LATS2: variants seen among roughly 807,000 people sequenced by gnomAD.
The protein encoded by LATS2 is serine/threonine-protein kinase LATS2.
A neutral mutation model predicts 76.0 loss-of-function variants in LATS2; 24 were observed. The ratio of observed to expected loss-of-function variants is 0.32; its 90% CI spans 0.23 to 0.44. The LOEUF is 0.44. LATS2 is among the 20% of genes least tolerant of loss of function. The probability of loss-of-function intolerance (pLI) is 1.00; values close to 1 mark genes in which losing one functional copy is unlikely to be tolerated. For synonymous variants in LATS2, 692 were observed against 635.4 expected, an observed-to-expected ratio of 1.09 and a Z score of -1.34; for missense variants, 1,286 against 1,481.2, an observed-to-expected ratio of 0.87 and a Z score of 2.16.
intron 2 of LATS2, among the ~76,000 whole-genome samples, chr13:21,003,734 A>G (rs761336728): frequency 6.6e-6 from 1 of 151,778 alleles, no homozygotes; most frequent in Non-Finnish European, 1.5e-5. Context: ...GAGCCACCAT[A>G]CCAGGCCTAA....
intron 3 of LATS2, among the ~76,000 whole-genome samples, chr13:20,989,942 C>T (rs1368018025): frequency 6.6e-6 from 1 of 152,226 alleles, no homozygotes; most frequent in Non-Finnish European, 1.5e-5. Context: ...CCATTTTGTA[C>T]ATCTCATCTG....
In LATS2 at chr13:21,007,630, A is replaced by ATATATAGTGTG. The variant is rs1871356806; in HGVS notation, c.343-16227_343-16226insCACACTATATA. On this transcript the variant is annotated intron_variant, in intron 2 of 7. Coordinates refer to ENST00000382592, the MANE Select transcript of LATS2 (RefSeq NM_014572.3). ...GTGTATATATATATATAGTGTATAT[A>ATATATAGTGTG]TATATATATATATAGTGTGTGTATA... Among the ~76,000 whole-genome samples, 3 of 620 alleles carry ATATATAGTGTG rather than the reference A, an allele frequency of 4.8e-3. 1 individual carries two copies. Among genetic ancestry groups the ATATATAGTGTG allele is most frequent in the Non-Finnish European group, 0.037 (3 of 80 alleles). 0.4% of individuals were successfully genotyped at this position (620 alleles called of 152,430 possible).
chr13:20,979,248 G>A (rs1869763749), intron 7 of LATS2, among the ~76,000 whole-genome samples: 1 of 152,158 alleles, frequency 6.6e-6, no homozygotes, highest in Non-Finnish European at 1.5e-5. Context: ...AAGTTTTTGG[G>A]GAGTTGAAAG....
At chr13:20,998,691 C>T (rs977342505) in intron 2 of LATS2, among the ~76,000 whole-genome samples, 23 of 152,352 alleles carry the variant, frequency 1.5e-4, no homozygotes, top group African/African-American at 5.3e-4. Flanking sequence ...CCCCTGAGCG[C>T]GGCGCTCCCG....
intron 2 of LATS2, among the ~76,000 whole-genome samples, chr13:21,039,645 C>T (rs889164803): frequency 1.4e-4 from 22 of 152,196 alleles, no homozygotes; most frequent in African/African-American, 5.3e-4. Context: ...ACATGGGAGG[C>T]CTTGTGGGCA....
intron 4 of LATS2, among the ~76,000 whole-genome samples, chr13:20,986,147 G>C (rs1405764191): frequency 6.6e-6 from 1 of 152,096 alleles, no homozygotes; most frequent in African/African-American, 2.4e-5. Flanking sequence ...AACCATCAGG[G>C]AAATGCAAAT....
At chr13:21,060,453 T>C (rs1023222196) in intron 1 of LATS2, among the ~76,000 whole-genome samples, 5 of 152,318 alleles carry the variant, frequency 3.3e-5, no homozygotes, top group African/African-American at 4.8e-5. Flanking sequence ...AAAGCGCTCC[T>C]GCGCCTCGGG....
At chr13:20,999,024 G>A (rs940936577) in intron 2 of LATS2, among the ~76,000 whole-genome samples, 4 of 151,850 alleles carry the variant, frequency 2.6e-5, no homozygotes, top group Admixed American at 6.5e-5. Flanking sequence ...CACGCAGGGC[G>A]GGGGTTCTGG....
intron 2 of LATS2, among the ~76,000 whole-genome samples, chr13:21,009,859 C>T (rs2138339119): frequency 6.6e-6 from 1 of 152,228 alleles, no homozygotes; most frequent in African/African-American, 2.4e-5. Context: ...GGCCCCCGCC[C>T]CAACACCAAA....
At chr13:21,042,467 C>T (rs547092955) in intron 2 of LATS2, among the ~76,000 whole-genome samples, 2 of 152,062 alleles carry the variant, frequency 1.3e-5, no homozygotes, top group Admixed American at 6.5e-5. Context: ...AGGTTAAGGC[C>T]GCTTGAGTCT....
intron 1 of LATS2, among the ~76,000 whole-genome samples, chr13:21,059,179 T>C (rs1429412639): frequency 6.6e-6 from 1 of 152,264 alleles, no homozygotes; most frequent in Non-Finnish European, 1.5e-5. Context: ...TTTAAAAATG[T>C]ACGTATTTGT....
At chr13:20,999,614 T>C (rs1870952045) in intron 2 of LATS2, among the ~76,000 whole-genome samples, 2 of 152,010 alleles carry the variant, frequency 1.3e-5, no homozygotes, top group Admixed American at 6.6e-5. Context: ...GCCAGTATGC[T>C]TGGCTAATTT....
rs138073145 is a variant in LATS2, at chr13:21,057,833, G to A, written c.-205+3513C>T. On this transcript the variant is annotated intron_variant, in intron 1 of 7. Coordinates refer to ENST00000382592, the MANE Select transcript of LATS2 (RefSeq NM_014572.3). ...AAAAAAAATGAAAAATAAAAATCAC[G>A]TAACATTATGTAACATTAGCCTTAA... is the stretch of plus-strand genomic sequence containing the variant. Among the ~76,000 whole-genome samples, 548 of 152,070 alleles carry A rather than the reference G, an allele frequency of 3.6e-3. 1 individual carries two copies. The highest frequency in any genetic ancestry group is 0.013 in the African/African-American group (522 of 41,510).
rs758975100 is a variant in LATS2 at position 20,989,041 on chromosome 13, G to C, written c.739C>G (p.Pro247Ala). ...ASVEAAGAHF[P>A]LQGAHYGRPH... ...CGCCCGTAGTGCGCGCCCTGCAGCG[G>C]GAAGTGTGCCCCTGCTGCCTCTACG... is the stretch of plus-strand genomic sequence containing the variant. Residue 247 changes from proline to alanine, a missense_variant, in exon 4 of 8, where the codon CCG becomes GCG. Transcript: ENST00000382592. 1.3e-6 allele frequency: 2 copies of C among 1,570,246 alleles called. No individual in the cohort carries two copies. Among genetic ancestry groups the C allele is most frequent in the Admixed American group, 1.8e-5 (1 of 54,392 alleles).
chr13:21,025,103 T>C (rs982049352), intron 2 of LATS2, among the ~76,000 whole-genome samples: 4 of 152,030 alleles, frequency 2.6e-5, no homozygotes, highest in Non-Finnish European at 5.9e-5. Flanking sequence ...CCATGAAGTC[T>C]GTAAGACACC....
chr13:20,976,011 G>A (rs1869606960), intron 7 of LATS2, among the ~76,000 whole-genome samples: 2 of 152,130 alleles, frequency 1.3e-5, no homozygotes, highest in African/African-American at 2.4e-5. Context: ...GTCAAAAAAC[G>A]GCCAACTGGG....
intron 2 of LATS2, among the ~76,000 whole-genome samples, chr13:21,011,264 AAAG>A (rs1325739406): frequency 1.3e-5 from 2 of 152,260 alleles, no homozygotes; most frequent in Non-Finnish European, 2.9e-5. Flanking sequence ...ACTAGCTACT[AAAG>A]AAGGTGAGTA....
intron 2 of LATS2, among the ~76,000 whole-genome samples, chr13:21,007,924 TA>T (rs1423278601): frequency 1.3e-5 from 2 of 148,620 alleles, no homozygotes; most frequent in African/African-American, 5.0e-5. Flanking sequence ...CACAACCGAC[TA>T]ATTTTTGTAT....
chr13:21,027,244 C>T (rs912005172), intron 2 of LATS2, among the ~76,000 whole-genome samples: 2 of 152,170 alleles, frequency 1.3e-5, no homozygotes, highest in African/African-American at 4.8e-5. Context: ...TTTCCTTTTA[C>T]GTCCCATGAA....
Sources: allele counts gnomAD v4.1 joint callset (sites outside exome capture counted in the v4.1 genomes callset), GRCh38; gene constraint gnomAD v4.1.1; transcripts MANE v1.5; gene names NCBI Gene and HGNC (gene_info 2026-07-23, HGNC 2026-07-21).